The following NKTR variants were observed in gnomAD, a reference collection of about 807,000 sequenced individuals.
NKTR encodes the protein NK-tumor recognition protein.
Under a neutral mutation model 156.3 loss-of-function variants are expected in NKTR, and 67 were observed. That is an observed-to-expected ratio of 0.43 (90% CI 0.35 to 0.53). NKTR has a LOEUF of 0.53. Ranked by LOEUF, NKTR falls within the 20% of genes least tolerant of loss-of-function variation. The pLI is 0.01. For missense variants in NKTR, 1,604 were observed against 1,730.9 expected (o/e 0.93, Z 1.30); for synonymous variants, 640 against 596.6 (o/e 1.07, Z -1.06).
intron 2 of NKTR, among the ~76,000 whole-genome samples, chr3:42,610,765 T>C (rs1706710179): frequency 6.6e-6 from 1 of 152,172 alleles, no homozygotes; most frequent in Non-Finnish European, 1.5e-5. Context: ...TTTTATTTTG[T>C]TTCAAAAAAA....
rs1709111647 is a variant in NKTR, at chr3:42,633,577, A to G, written c.774-3A>G. On this transcript the variant is annotated splice_polypyrimidine_tract_variant and splice_region_variant and intron_variant, in intron 9 of 16. Coordinates refer to ENST00000232978, the MANE Select transcript of NKTR (RefSeq NM_005385.4). ...TTTAATCAGTGACTTGGTTTGTTCTAAGTCACTCTGAGAGGAGTGATACCA... is the reference window on the plus strand; with the variant it reads ...TTTAATCAGTGACTTGGTTTGTTCTGAGTCACTCTGAGAGGAGTGATACCA... 5 of 1,613,088 alleles carry G rather than the reference A, an allele frequency of 3.1e-6. No homozygotes were observed. The highest frequency in any genetic ancestry group is 4.2e-6 in the Non-Finnish European group (5 of 1,179,480).
At chr3:42,627,282 C>A in intron 6 of NKTR, 1 of 984,058 alleles carries the variant, frequency 1.0e-6, no homozygotes, top group Non-Finnish European at 1.2e-6. Context: ...CTCTTTAATT[C>A]TGTTGTTATG....
Position 42,636,974 on chromosome 3 carries a change from T to A in NKTR, c.1270T>A (p.Ser424Thr). 1.2e-6 allele frequency: 2 copies of A among 1,612,684 alleles called. No homozygotes were observed. Among genetic ancestry groups the A allele is most frequent in the Non-Finnish European group, 1.7e-6 (2 of 1,179,726 alleles). Residue 424 changes from serine to threonine, a missense_variant, in exon 13 of 17, where the codon TCT becomes ACT. Ser to Thr is a moderately conservative substitution (Grantham distance 58). Transcript: ENST00000232978. ...YYSDLSTARH[S>T]GHHKKRRKEK... The stretch of plus-strand genomic sequence containing the variant: ...TTCAGACCTTAGTACAGCAAGACAC[T>A]CTGGCCACCATAAAAAACGCAGAAA...
In NKTR at chr3:42,639,189, T is replaced by C; in HGVS notation, c.3485T>C (p.Leu1162Ser). The stretch of plus-strand genomic sequence containing the variant: ...GATACCCCAGATATAAACATTGTTT[T>C]GAAGCAGGATATGGCAACGGAACAT... ...RLDTPDINIV[L>S]KQDMATEHPQ... is the part of the protein sequence containing the mutation. The change falls in exon 13 of 17, where the codon TTG (leucine) becomes TCG (serine). Residue 1162 changes from leucine (L) to serine (S), a missense_variant. Physicochemically the swap from Leu to Ser is moderately radical, Grantham distance 145 (BLOSUM62 -2). Coordinates refer to ENST00000232978, the MANE Select transcript of NKTR (RefSeq NM_005385.4). 1 of 1,614,160 alleles carries C rather than the reference T, an allele frequency of 6.2e-7. No homozygotes were observed. Among genetic ancestry groups the C allele is most frequent in the Non-Finnish European group, 8.5e-7 (1 of 1,180,030 alleles).
Position 42,633,709 on chromosome 3 carries a change from G to A in NKTR, c.903G>A (p.Met301Ile). The A allele has an allele frequency of 1.2e-6, 2 of 1,614,020 alleles. No individual in the cohort carries two copies. Among genetic ancestry groups the A allele is most frequent in the Non-Finnish European group, 1.7e-6 (2 of 1,179,918 alleles). Residue 301 changes from methionine (M) to isoleucine (I), a missense_variant, in exon 10 of 17, where the codon ATG (methionine) becomes ATA (isoleucine). Met to Ile is a conservative substitution (Grantham distance 10). Around this residue, in one of 6 missense-constraint regions of NKTR, gnomAD observed 1,255 missense variants for 1,243.7 expected, o/e 1.01. Transcript: ENST00000232978. ...PENRFLLRRDMPVVTAEPEPK... is the reference protein window; with the variant it reads ...PENRFLLRRDIPVVTAEPEPK... ...ACCGATTTTTACTGAGAAGAGATATGCCTGTTGTTACTGCAGAACCTGAAC... is the reference window on the plus strand; with the variant it reads ...ACCGATTTTTACTGAGAAGAGATATACCTGTTGTTACTGCAGAACCTGAAC...
rs150528581 is a variant in NKTR, at chr3:42,637,994, A to G, written c.2290A>G (p.Lys764Glu). 18,436 of 1,611,848 alleles carry G rather than the reference A, an allele frequency of 0.011. 134 individuals carry two copies. The highest frequency in any genetic ancestry group is 0.014 in the Non-Finnish European group (16,548 of 1,178,826). ...TAAGAGGAGACTTAGATCCAGTGGG[A>G]AAAAAAATAGCGTTTCACATAAAAA... ...RAKRRLRSSG[K>E]KNSVSHKKHS... The change falls in exon 13 of 17, where the codon AAA becomes GAA. Residue 764 changes from lysine to glutamate, a missense_variant. Coordinates refer to ENST00000232978, the MANE Select transcript of NKTR (RefSeq NM_005385.4).
intron 8 of NKTR, among the ~76,000 whole-genome samples, chr3:42,631,846 T>C (rs151003989): frequency 1.5e-3 from 233 of 152,268 alleles, no homozygotes; most frequent in Middle Eastern, 3.4e-3. Context: ...TCCAGGCACA[T>C]TGACCTTTTT....
chr3:42,639,381 G>A lies in NKTR; in HGVS notation c.3677G>A (p.Trp1226Ter). Reference sequence around the variant, plus strand: ...CAGATCAACCTCATTGATAAGAAATGGAAGCCCCTGCAAGGTGTGGGGAAC... The same window carrying A: ...CAGATCAACCTCATTGATAAGAAATAGAAGCCCCTGCAAGGTGTGGGGAAC... ...KSQINLIDKK[W>*]KPLQGVGNLA... The change falls in exon 13 of 17, where the codon TGG becomes TAG. Residue 1226 changes from tryptophan (W) to a stop codon, truncating the protein, a stop_gained. Coordinates refer to ENST00000232978, the MANE Select transcript of NKTR (RefSeq NM_005385.4). LOFTEE classifies it high-confidence loss of function. 1 of 1,614,076 alleles carries A rather than the reference G, an allele frequency of 6.2e-7. No individual in the cohort carries two copies. The highest frequency in any genetic ancestry group is 8.5e-7 in the Non-Finnish European group (1 of 1,179,966).
Position 42,639,192 on chromosome 3 carries a change from A to G in NKTR, c.3488A>G (p.Lys1163Arg), listed in dbSNP as rs758413303. Residue 1163 changes from lysine to arginine, a missense_variant, in exon 13 of 17, where the codon AAG becomes AGG. Physicochemically the swap from Lys to Arg is conservative, Grantham distance 26. Coordinates refer to ENST00000232978, the MANE Select transcript of NKTR (RefSeq NM_005385.4). Reference sequence around the variant, plus strand: ...ACCCCAGATATAAACATTGTTTTGAAGCAGGATATGGCAACGGAACATCCT... The same window carrying G: ...ACCCCAGATATAAACATTGTTTTGAGGCAGGATATGGCAACGGAACATCCT... ...LDTPDINIVL[K>R]QDMATEHPQA... is the part of the protein sequence containing the mutation. 6.2e-7 allele frequency: 1 copy of G among 1,614,194 alleles called. No individual in the cohort carries two copies. Among genetic ancestry groups the G allele is most frequent in the South Asian group, 1.1e-5 (1 of 91,088 alleles).
intron 6 of NKTR, among the ~76,000 whole-genome samples, chr3:42,625,208 C>T (rs1708263051): frequency 6.6e-6 from 1 of 152,088 alleles, no homozygotes; most frequent in African/African-American, 2.4e-5. Context: ...AAATCAAGAG[C>T]AACAGAAGTC....
Position 42,632,807 on chromosome 3 carries a change from G to T in NKTR, c.757G>T (p.Ala253Ser), listed in dbSNP as rs1343829877. 6.3e-7 allele frequency: 1 copy of T among 1,597,202 alleles called. No homozygotes were observed. The highest frequency in any genetic ancestry group is 1.3e-5 in the African/African-American group (1 of 74,088). Residue 253 changes from alanine (A) to serine (S), a missense_variant, in exon 9 of 17, where the codon GCA becomes TCA. Physicochemically the swap from Ala to Ser is moderately conservative, Grantham distance 99 (BLOSUM62 1). This residue lies in a region of NKTR where 1,255 missense variants were observed against 1,243.7 expected (regional missense o/e 1.01). Coordinates refer to ENST00000232978, the MANE Select transcript of NKTR (RefSeq NM_005385.4). ...TTCAGAAGAGCCAAGGAATAAACAT[G>T]CAATGAACCCAAAAGGGTACGTGTA... ...SSSEEPRNKHAMNPKGHSERS... is the reference protein window; with the variant it reads ...SSSEEPRNKHSMNPKGHSERS...
At chr3:42,609,154 A>G (rs1441143351) in intron 2 of NKTR, among the ~76,000 whole-genome samples, 1 of 151,626 alleles carries the variant, frequency 6.6e-6, no homozygotes, top group Non-Finnish European at 1.5e-5. Context: ...AGAAAGATCA[A>G]ATAGAACAAA....
At chr3:42,629,930 GGCA>G in intron 6 of NKTR, 1 of 985,436 alleles carries the variant, frequency 1.0e-6, no homozygotes, top group Non-Finnish European at 1.2e-6. Flanking sequence ...CAGAAGGGAT[GGCA>G]GATTGAAGCT....
In NKTR at chr3:42,635,229, C is replaced by T. The variant is rs1709290335; in HGVS notation, c.1026C>T (p.His342=). The T allele has an allele frequency of 5.6e-6, 9 of 1,611,274 alleles. No homozygotes were observed. Among genetic ancestry groups the T allele is most frequent in the Non-Finnish European group, 7.6e-6 (9 of 1,179,082 alleles). Residue 342 remains histidine (H), a synonymous_variant, in exon 12 of 17, where the codon CAC becomes CAT. Transcript: ENST00000232978. ...TGTTTTTGTTTTTAAAGCGCTATCA[C>T]ACACCTCCAAGATCAAGATCCTGTT... ...KIKGRGTIRY[H]TPPRSRSCSE...
intron 2 of NKTR, among the ~76,000 whole-genome samples, chr3:42,609,764 CTTATG>C (rs894760996): frequency 6.6e-6 from 1 of 152,130 alleles, no homozygotes; most frequent in Non-Finnish European, 1.5e-5. Context: ...ATCCTATACT[CTTATG>C]GTTATGTAGG....
upstream of NKTR, chr3:42,600,628 T>G (rs1225874815): frequency 3.7e-5 from 6 of 163,014 alleles, no homozygotes; most frequent in Non-Finnish European, 6.7e-5. Context: ...TCTCGCGGTA[T>G]TTGTCCCGAC....
chr3:42,615,382 A>ATTTTT (rs532851344), intron 2 of NKTR, among the ~76,000 whole-genome samples: 12 of 139,280 alleles, frequency 8.6e-5, no homozygotes, highest in Non-Finnish European at 1.9e-4. Context: ...CCTGGCCGAG[A>ATTTTT]TTTTTTTTTT....
rs1298050675 is a variant in NKTR at position 42,637,223 on chromosome 3, G to A, written c.1519G>A (p.Val507Ile). The A allele has an allele frequency of 1.2e-6, 2 of 1,611,542 alleles. No individual in the cohort carries two copies. The highest frequency in any genetic ancestry group is 2.2e-5 in the East Asian group (1 of 44,864). ...KRDWSKSDKD[V>I]QSSLTHSSRD... ...AGACTGGTCTAAATCTGATAAGGAT[G>A]TCCAGAGCTCTTTAACCCATTCCAG... The change falls in exon 13 of 17, where the codon GTC becomes ATC. Residue 507 changes from valine to isoleucine, a missense_variant. Physicochemically the swap from Val to Ile is conservative, Grantham distance 29. Transcript: ENST00000232978.
At chr3:42,633,497 T>C (rs946138323) in intron 9 of NKTR, 83 bp from the exon 10 acceptor site, 12 of 1,530,952 alleles carry the variant, frequency 7.8e-6, no homozygotes, top group Non-Finnish European at 8.8e-6. Context: ...AATTATGCTG[T>C]TGTTTTAGTA....
Sources: gnomAD v4.1 joint callset for allele counts (sites outside exome capture counted in the v4.1 genomes callset) on GRCh38, gnomAD v4.1.1 for gene constraint, gnomAD v4.1.1 regional missense constraint, MANE v1.5 for transcripts, NCBI Gene and HGNC (gene_info 2026-07-23, HGNC 2026-07-21) for gene names.